Variants in TMEFF2 observed in about 807,000 individuals in gnomAD.
The protein encoded by TMEFF2 is tomoregulin-2.
A neutral mutation model predicts 53.8 loss-of-function variants in TMEFF2; 28 were observed. That is an observed-to-expected ratio of 0.52 (90% CI 0.39 to 0.71). The LOEUF (loss-of-function observed/expected upper bound fraction) is 0.71, where lower values mean the gene tolerates loss of function less well. Ranked by LOEUF, TMEFF2 falls within the 30% of genes least tolerant of loss-of-function variation. The pLI, the probability that TMEFF2 is intolerant of heterozygous loss-of-function variation, is 0.00. For synonymous variants in TMEFF2, 162 were observed against 166.3 expected, an observed-to-expected ratio of 0.97 and a Z score of 0.20; for missense variants, 353 against 455.2, an observed-to-expected ratio of 0.78 and a Z score of 2.04.
At chr2:192,020,953 T>C (rs1434108019) in intron 5 of TMEFF2, among the ~76,000 whole-genome samples, 1 of 152,174 alleles carries the variant, frequency 6.6e-6, no homozygotes, top group Non-Finnish European at 1.5e-5. Flanking sequence ...TTTTGAACTT[T>C]TGTTCCATTT....
intron 4 of TMEFF2, among the ~76,000 whole-genome samples, chr2:192,090,969 C>T (rs768137110): frequency 9.9e-5 from 15 of 152,136 alleles, no homozygotes; most frequent in Non-Finnish European, 1.8e-4. Flanking sequence ...AGGCATGCCA[C>T]GAACTCTAAT....
intron 4 of TMEFF2, among the ~76,000 whole-genome samples, chr2:192,150,695 G>GT (rs11375610): frequency 0.82 from 117,681 of 143,808 alleles, 48,840 homozygotes; most frequent in Non-Finnish European, 0.91. Flanking sequence ...GACACTTCAT[G>GT]TTTTTTTTTT....
At chr2:192,080,876 T>A (rs1052843406) in intron 4 of TMEFF2, among the ~76,000 whole-genome samples, 1 of 151,782 alleles carries the variant, frequency 6.6e-6, no homozygotes, top group Non-Finnish European at 1.5e-5. Context: ...GATCAAATAT[T>A]TTGCAAAACA....
At chr2:192,139,198 G>A (rs1690079330) in intron 4 of TMEFF2, among the ~76,000 whole-genome samples, 1 of 152,180 alleles carries the variant, frequency 6.6e-6, no homozygotes, top group Non-Finnish European at 1.5e-5. Flanking sequence ...TTTACTAAGG[G>A]ACATTAAAGA....
At chr2:192,048,361 A>AACAC (rs3053696) in intron 5 of TMEFF2, among the ~76,000 whole-genome samples, 8,519 of 143,160 alleles carry the variant, frequency 0.06, 275 homozygotes, top group South Asian at 0.11. Context: ...ATTCTCATAA[A>AACAC]ACACACACAC....
At chr2:192,029,792 T>G (rs564990199) in intron 5 of TMEFF2, among the ~76,000 whole-genome samples, 37 of 152,350 alleles carry the variant, frequency 2.4e-4, no homozygotes, top group Middle Eastern at 3.4e-3. Context: ...CATTGCATGT[T>G]GAGATAGATA....
At chr2:192,113,990 ACAAT>A (rs1251428337) in intron 4 of TMEFF2, among the ~76,000 whole-genome samples, 1 of 151,988 alleles carries the variant, frequency 6.6e-6, no homozygotes, top group Non-Finnish European at 1.5e-5. Flanking sequence ...AATAACATTG[ACAAT>A]CAAAACCGAT....
chr2:192,191,842 A>G (rs781604960), intron 2 of TMEFF2, 38 bp downstream of exon 2: 8 of 1,381,132 alleles, frequency 5.8e-6, no homozygotes, highest in Admixed American at 1.7e-5. Context: ...TTGCAGTCTC[A>G]TTAATGAATT....
At chr2:192,047,793 G>A (rs1362477692) in intron 5 of TMEFF2, among the ~76,000 whole-genome samples, 2 of 152,142 alleles carry the variant, frequency 1.3e-5, no homozygotes, top group Non-Finnish European at 2.9e-5. Flanking sequence ...TATATGCCCT[G>A]TTTGTAGGGA....
chr2:192,156,740 C>T (rs1054543096), intron 4 of TMEFF2, among the ~76,000 whole-genome samples: 1 of 152,000 alleles, frequency 6.6e-6, no homozygotes, highest in Non-Finnish European at 1.5e-5. Flanking sequence ...AAAATAATCA[C>T]ACTTAAAGTG....
intron 4 of TMEFF2, among the ~76,000 whole-genome samples, chr2:192,147,481 T>G (rs1690281488): frequency 7.0e-6 from 1 of 143,804 alleles, no homozygotes; most frequent in Non-Finnish European, 1.5e-5. Context: ...CCCTCCCCAC[T>G]CCCCCCACCC....
chr2:192,106,740 A>G (rs933914949), intron 4 of TMEFF2, among the ~76,000 whole-genome samples: 1 of 151,844 alleles, frequency 6.6e-6, no homozygotes, highest in Non-Finnish European at 1.5e-5. Context: ...CCTAGTCCCC[A>G]TGGAGCTCAC....
chr2:192,186,461 A>G (rs1423988353), intron 2 of TMEFF2, among the ~76,000 whole-genome samples: 1 of 152,174 alleles, frequency 6.6e-6, no homozygotes, highest in East Asian at 1.9e-4. Context: ...TAAATGTGCT[A>G]TGATCAGAAC....
intron 5 of TMEFF2, among the ~76,000 whole-genome samples, chr2:191,999,591 G>A (rs1323862050): frequency 6.6e-6 from 1 of 151,886 alleles, no homozygotes; most frequent in African/African-American, 2.4e-5. Flanking sequence ...TTCTTTTCTT[G>A]GGATATTTGA....
At chr2:192,003,926 T>TGGGGGG (rs767041385) in intron 5 of TMEFF2, among the ~76,000 whole-genome samples, 2 of 96,348 alleles carry the variant, frequency 2.1e-5, no homozygotes, top group Non-Finnish European at 4.5e-5. Context: ...TGTGTGTGTG[T>TGGGGGG]GTGGGGGGGG....
At chr2:192,023,128 T>C (rs57744666) in intron 5 of TMEFF2, among the ~76,000 whole-genome samples, 9,498 of 152,258 alleles carry the variant, frequency 0.062, 426 homozygotes, top group African/African-American at 0.12. Context: ...ACACTGGCCA[T>C]ATTCCCTTAT....
At chr2:192,189,731 C>G (rs955397619) in intron 2 of TMEFF2, among the ~76,000 whole-genome samples, 20 of 151,974 alleles carry the variant, frequency 1.3e-4, no homozygotes, top group African/African-American at 4.8e-4. Context: ...AAGATGGACT[C>G]AAGAGACTCT....
intron 4 of TMEFF2, among the ~76,000 whole-genome samples, chr2:192,123,918 A>C (rs1279623331): frequency 1.3e-5 from 2 of 152,224 alleles, no homozygotes; most frequent in Non-Finnish European, 2.9e-5. Flanking sequence ...AGAAATAAGA[A>C]AATGTTTGAA....
At chr2:192,147,478 C>G (rs1574414556) in intron 4 of TMEFF2, among the ~76,000 whole-genome samples, 1 of 151,762 alleles carries the variant, frequency 6.6e-6, no homozygotes, top group African/African-American at 2.4e-5. Context: ...TATCCCTCCC[C>G]ACTCCCCCCA....
Sources: gnomAD v4.1 joint callset for allele counts (sites outside exome capture counted in the v4.1 genomes callset) on GRCh38, gnomAD v4.1.1 for gene constraint, MANE v1.5 for transcripts, NCBI Gene and HGNC (gene_info 2026-07-23, HGNC 2026-07-21) for gene names.